Variants in PCDH11X observed in about 807,000 individuals in gnomAD.
PCDH11X encodes the protein protocadherin 11 X-linked.
Under a neutral mutation model 53.3 loss-of-function variants are expected in PCDH11X, and 18 were observed. That is an observed-to-expected ratio of 0.34 (90% confidence interval 0.23 to 0.50). PCDH11X has a LOEUF of 0.50. Among genes scored for constraint, PCDH11X ranks in the 20% least tolerant of loss-of-function variants. The probability of loss-of-function intolerance (pLI) is 0.98; values close to 1 mark genes in which losing one functional copy is unlikely to be tolerated. For missense variants in PCDH11X, 570 were observed against 1,032.4 expected, an observed-to-expected ratio of 0.55 and a Z score of 6.14; for synonymous variants, 279 against 393.3, an observed-to-expected ratio of 0.71 and a Z score of 3.44.
intron 10 of PCDH11X, among the ~76,000 whole-genome samples, chrX:92,533,380 GTTA>G (rs2074596159): frequency 9.3e-6 from 1 of 107,746 alleles, no homozygotes; most frequent in African/African-American, 3.4e-5. Flanking sequence ...AGCTGAGGAT[GTTA>G]CAGATGGTCT....
chrX:92,280,752 C>A (rs2068232687), intron 8 of PCDH11X, among the ~76,000 whole-genome samples: 1 of 108,791 alleles, frequency 9.2e-6, no homozygotes, highest in South Asian at 3.9e-4. Context: ...ACAAACAAAT[C>A]CTTTGAAGCA....
rs185685846 is a variant in PCDH11X at position 92,496,488 on chromosome X, T to A, written c.3367+28166T>A. Among the ~76,000 whole-genome samples, 621 of 106,539 alleles carry A rather than the reference T, an allele frequency of 5.8e-3. 6 individuals carry two copies. Among genetic ancestry groups the A allele is most frequent in the Middle Eastern group, 0.015 (3 of 204 alleles). The allele number at this position is 106,539 out of a possible 115,157, so 92.5% of individuals were successfully genotyped here. A position where few individuals can be genotyped will look rare whatever the true frequency, so the allele number is the denominator to read the frequency against. On this transcript the variant is annotated intron_variant, in intron 10 of 10. Coordinates refer to ENST00000682573, the MANE Select transcript of PCDH11X (RefSeq NM_032968.5). ...CATCGATTAGTAAGCTACAGGTGTA[T>A]CATTCCTAGCAGCTAGCAAATAGGT...
chrX:92,085,703 A>AT (rs1391431404), intron 6 of PCDH11X, among the ~76,000 whole-genome samples: 5 of 110,175 alleles, frequency 4.5e-5, no homozygotes, highest in Non-Finnish European at 9.5e-5. Flanking sequence ...TGGTCAGAAC[A>AT]TTTTTTTTTC....
intron 5 of PCDH11X, among the ~76,000 whole-genome samples, chrX:91,853,521 A>G (rs1219005378): frequency 9.1e-6 from 1 of 109,949 alleles, no homozygotes. Context: ...AAGTTTTATT[A>G]TTTTCAATAG....
chrX:92,607,446 T>A, intron 10 of PCDH11X, among the ~76,000 whole-genome samples: 1 of 111,409 alleles, frequency 9.0e-6, no homozygotes, highest in Middle Eastern at 4.6e-3. Flanking sequence ...GAAAGTAGAT[T>A]AGAGATTGCT....
At chrX:92,317,172 A>AC (rs1377654881) in intron 8 of PCDH11X, among the ~76,000 whole-genome samples, 13 of 33,892 alleles carry the variant, frequency 3.8e-4, no homozygotes, top group Non-Finnish European at 4.5e-4. Context: ...GTCCCCTCCC[A>AC]CCCCCCCATC....
intron 7 of PCDH11X, chrX:92,262,903 G>A (rs925668720): frequency 5.6e-6 from 2 of 360,289 alleles, no homozygotes; most frequent in Non-Finnish European, 7.1e-6. Context: ...TTACAATGCT[G>A]TTATATCCCT....
intron 6 of PCDH11X, among the ~76,000 whole-genome samples, chrX:92,158,027 C>T (rs2065570877): frequency 9.0e-6 from 1 of 110,515 alleles, no homozygotes; most frequent in African/African-American, 3.3e-5. Context: ...CCAGCCTGAC[C>T]AACATGGTGA....
intron 6 of PCDH11X, among the ~76,000 whole-genome samples, chrX:92,037,437 A>AT (rs1224229626): frequency 9.0e-6 from 1 of 111,275 alleles, no homozygotes; most frequent in African/African-American, 3.3e-5. Context: ...TATGTACCAC[A>AT]TTTTCTTTAT....
At chrX:91,853,882 G>C (rs1345761809) in intron 5 of PCDH11X, among the ~76,000 whole-genome samples, 1 of 107,578 alleles carries the variant, frequency 9.3e-6, no homozygotes, top group Non-Finnish European at 1.9e-5. Context: ...TTTAATTTTT[G>C]TTAGTACATC....
At chrX:92,135,489 T>C (rs1293558031) in intron 6 of PCDH11X, among the ~76,000 whole-genome samples, 4 of 110,875 alleles carry the variant, frequency 3.6e-5, no homozygotes, top group Admixed American at 1.9e-4. Flanking sequence ...GCATGATTTC[T>C]TTTTTTGGTG....
At chrX:92,505,974 GGTATATAGA>G (rs1417267614) in intron 10 of PCDH11X, among the ~76,000 whole-genome samples, 10 of 110,056 alleles carry the variant, frequency 9.1e-5, no homozygotes, top group Non-Finnish European at 1.9e-4. Flanking sequence ...AGATCTTGTT[GGTATATAGA>G]AATGCTACTT....
chrX:91,849,058 T>A (rs2147654213), intron 5 of PCDH11X, among the ~76,000 whole-genome samples: 1 of 110,094 alleles, frequency 9.1e-6, no homozygotes, highest in South Asian at 3.9e-4. Flanking sequence ...ATAATTGAAT[T>A]AAATTTAAGT....
chrX:92,409,106 G>C (rs774381947), intron 9 of PCDH11X, among the ~76,000 whole-genome samples: 1 of 104,053 alleles, frequency 9.6e-6, no homozygotes, highest in East Asian at 3.0e-4. Context: ...TTTGAAATAA[G>C]TTTTAAAGTA....
At chrX:92,459,300 AG>A (rs1187030011) in intron 9 of PCDH11X, among the ~76,000 whole-genome samples, 2 of 47,615 alleles carry the variant, frequency 4.2e-5, no homozygotes, top group Non-Finnish European at 7.7e-5. Context: ...AGATAAGAGA[AG>A]GAAATAAAGG....
chrX:91,968,374 A>T (rs1334948470), intron 6 of PCDH11X, among the ~76,000 whole-genome samples: 1 of 108,130 alleles, frequency 9.2e-6, no homozygotes, highest in Non-Finnish European at 1.9e-5. Flanking sequence ...ATACCACCAC[A>T]TTTGTAATTT....
intron 6 of PCDH11X, among the ~76,000 whole-genome samples, chrX:91,887,967 A>G (rs879181413): frequency 1.8e-5 from 2 of 111,672 alleles, no homozygotes; most frequent in Non-Finnish European, 3.8e-5. Flanking sequence ...ACCATCTAAT[A>G]TTTTCCAAAA....
intron 6 of PCDH11X, among the ~76,000 whole-genome samples, chrX:91,882,477 A>G (rs1162673067): frequency 1.8e-5 from 2 of 111,681 alleles, no homozygotes; most frequent in Non-Finnish European, 1.9e-5. Context: ...CATTTTAAAA[A>G]AATAGAGAGG....
intron 9 of PCDH11X, among the ~76,000 whole-genome samples, chrX:92,394,787 T>A (rs1208939165): frequency 8.9e-6 from 1 of 111,827 alleles, no homozygotes; most frequent in African/African-American, 3.2e-5. Context: ...TTTAAAATGA[T>A]TTATAAATTT....
Sources: allele counts gnomAD v4.1 joint callset (sites outside exome capture counted in the v4.1 genomes callset), GRCh38; gene constraint gnomAD v4.1.1; transcripts MANE v1.5; gene names NCBI Gene and HGNC (gene_info 2026-07-23, HGNC 2026-07-21).